Variants in NRG4 observed in about 807,000 individuals in gnomAD.
The protein encoded by NRG4 is pro-neuregulin-4, membrane-bound isoform.
NRG4 carries 10 observed loss-of-function variants against 15.0 expected under a neutral mutation model. The observed-to-expected ratio is 0.67, with a 90% CI of 0.41 to 1.13. The LOEUF is 1.13. NRG4 is among the 50% of genes most tolerant of loss of function. The pLI, the probability that NRG4 is intolerant of heterozygous loss-of-function variation, is 0.00. For missense variants in NRG4, 139 were observed against 140.2 expected (o/e 0.99, Z 0.04); for synonymous variants, 41 against 50.1 (o/e 0.82, Z 0.77).
At chr15:75,991,202 T>C (rs1002506011) in intron 3 of NRG4, among the ~76,000 whole-genome samples, 3 of 152,190 alleles carry the variant, frequency 2.0e-5, no homozygotes, top group Admixed American at 6.5e-5. Context: ...TTGCGGGCCA[T>C]ACAGTCTCTG....
chr15:75,937,327 G>A (rs2030447639), downstream of NRG4: 2 of 143,210 alleles, frequency 1.4e-5, no homozygotes, highest in African/African-American at 5.1e-5. Flanking sequence ...GGCTAACACA[G>A]TGAAACCCCA....
At chr15:76,047,463 AT>A (rs1363065291) in intron 4 of NRG4, among the ~76,000 whole-genome samples, 2 of 151,024 alleles carry the variant, frequency 1.3e-5, no homozygotes, top group Non-Finnish European at 2.9e-5. Context: ...AAATCCCGTC[AT>A]TTGCAGCAAC....
intron 5 of NRG4, among the ~76,000 whole-genome samples, chr15:76,023,670 G>A (rs933878197): frequency 3.9e-5 from 6 of 152,168 alleles, no homozygotes; most frequent in Admixed American, 6.5e-5. Flanking sequence ...TCTGGGACCA[G>A]TAGCCATTGC....
At chr15:76,014,678 C>G (rs895592843), upstream of NRG4, among the ~76,000 whole-genome samples, 2 of 152,016 alleles carry the variant, frequency 1.3e-5, no homozygotes, top group African/African-American at 4.8e-5. Flanking sequence ...ATTTCTGAGG[C>G]CTCTGTTCTG....
At chr15:76,030,314 C>T (rs1171345529) in intron 5 of NRG4, among the ~76,000 whole-genome samples, 1 of 152,112 alleles carries the variant, frequency 6.6e-6, no homozygotes, top group Non-Finnish European at 1.5e-5. Context: ...CTGCAGCCAT[C>T]ATGCTACAAC....
chr15:75,996,222 A>G (rs771254334), intron 3 of NRG4, among the ~76,000 whole-genome samples: 6 of 152,144 alleles, frequency 3.9e-5, no homozygotes, highest in Admixed American at 3.9e-4. Context: ...CTAGCTCTGT[A>G]AGCCTAATCA....
chr15:76,022,649 G>T (rs1337471113), intron 5 of NRG4, among the ~76,000 whole-genome samples: 1 of 152,174 alleles, frequency 6.6e-6, no homozygotes, highest in East Asian at 1.9e-4. Flanking sequence ...TGAGTGTGGA[G>T]TGTGTATGTT....
At chr15:76,041,204 G>C (rs1205516843) in intron 4 of NRG4, among the ~76,000 whole-genome samples, 1 of 151,742 alleles carries the variant, frequency 6.6e-6, no homozygotes, top group Non-Finnish European at 1.5e-5. Flanking sequence ...TACCACCAGA[G>C]AAAATCACCT....
chr15:75,979,025 C>A (rs1476335068), intron 3 of NRG4, among the ~76,000 whole-genome samples: 1 of 151,974 alleles, frequency 6.6e-6, no homozygotes, highest in East Asian at 1.9e-4. Flanking sequence ...ATTACTAATC[C>A]CTTGTCAGAT....
At chr15:75,948,268 T>C (rs1227540633) in intron 5 of NRG4, among the ~76,000 whole-genome samples, 1 of 152,204 alleles carries the variant, frequency 6.6e-6, no homozygotes, top group South Asian at 2.1e-4. Flanking sequence ...TTTCTTCTCT[T>C]AGTAATTTTA....
chr15:75,957,124 A>G (rs2032279163), intron 4 of NRG4, among the ~76,000 whole-genome samples: 2 of 152,278 alleles, frequency 1.3e-5, no homozygotes, highest in African/African-American at 2.4e-5. Context: ...ATTTGCTATC[A>G]TGTGTTTTAA....
intron 3 of NRG4, among the ~76,000 whole-genome samples, chr15:75,996,928 T>C (rs1410224627): frequency 1.3e-5 from 2 of 152,268 alleles, no homozygotes; most frequent in East Asian, 3.9e-4. Context: ...CTAACACATA[T>C]TGGTTGAGAA....
intron 4 of NRG4, among the ~76,000 whole-genome samples, chr15:76,049,832 T>C (rs1049640989): frequency 6.6e-6 from 1 of 150,886 alleles, no homozygotes; most frequent in East Asian, 1.9e-4. Flanking sequence ...TTGAACACAC[T>C]GTTCTTTAAA....
chr15:75,999,801 C>T (rs941367529), intron 3 of NRG4, among the ~76,000 whole-genome samples: 7 of 151,976 alleles, frequency 4.6e-5, no homozygotes, highest in Admixed American at 2.0e-4. Context: ...TTTGGGAGGC[C>T]GAGATGGGAG....
chr15:76,045,695 C>T lies in NRG4; in HGVS notation c.-105+6372G>A, dbSNP rs770503930. On this transcript the variant is annotated intron_variant, in intron 4 of 8. Coordinates refer to the NRG4 transcript ENST00000563910. ...AGGCACAGAAAAACAAACTTCGCAT[C>T]TTCTCACTTATTTGTGGGAGCTAAA... 4.3e-4 allele frequency among the ~76,000 whole-genome samples: 65 copies of T among 150,800 alleles called. 1 individual carries two copies. The highest frequency in any genetic ancestry group is 7.8e-4 in the Non-Finnish European group (53 of 67,886).
At chr15:76,053,786 C>T (rs2036082188) in intron 2 of NRG4, among the ~76,000 whole-genome samples, 1 of 150,948 alleles carries the variant, frequency 6.6e-6, no homozygotes, top group Admixed American at 6.6e-5. Context: ...AAACTCCTGA[C>T]CTCAAGTGAT....
intron 3 of NRG4, among the ~76,000 whole-genome samples, chr15:75,987,919 G>C (rs1281771795): frequency 6.6e-6 from 1 of 152,068 alleles, no homozygotes; most frequent in Non-Finnish European, 1.5e-5. Context: ...ATGAATTTTC[G>C]ATATACACTG....
At chr15:75,962,550 G>T (rs1158274494) in intron 3 of NRG4, among the ~76,000 whole-genome samples, 1 of 151,998 alleles carries the variant, frequency 6.6e-6, no homozygotes, top group African/African-American at 2.4e-5. Context: ...TTGAATATCT[G>T]GTAGTTCTAC....
intron 3 of NRG4, among the ~76,000 whole-genome samples, chr15:75,974,570 T>C (rs1439731866): frequency 6.6e-6 from 1 of 152,238 alleles, no homozygotes; most frequent in African/African-American, 2.4e-5. Context: ...TTTGTTCTCA[T>C]TTGTTTCAAA....
Sources: allele counts gnomAD v4.1 joint callset (sites outside exome capture counted in the v4.1 genomes callset), GRCh38; gene constraint gnomAD v4.1.1; transcripts MANE v1.5; gene names NCBI Gene and HGNC (gene_info 2026-07-23, HGNC 2026-07-21).